CDH2: variants seen among roughly 807,000 people sequenced by gnomAD.
CDH2 encodes cadherin-2.
Under a neutral mutation model 92.0 loss-of-function variants are expected in CDH2, and 17 were observed. The observed-to-expected ratio is 0.18, with a 90% CI of 0.13 to 0.28. The LOEUF (loss-of-function observed/expected upper bound fraction) is 0.28. Among genes scored for constraint, CDH2 ranks in the 10% least tolerant of loss-of-function variants. CDH2 has a pLI of 1.00. For missense variants in CDH2, 862 were observed against 1,133.1 expected (o/e 0.76, Z 3.44); for synonymous variants, 419 against 415.9 (o/e 1.01, Z -0.09).
intron 1 of CDH2, among the ~76,000 whole-genome samples, chr18:28,155,525 A>T (rs998780649): frequency 6.6e-6 from 1 of 152,196 alleles, no homozygotes; most frequent in Non-Finnish European, 1.5e-5. Flanking sequence ...ACAAACAAGG[A>T]CAAAAGATGC....
intron 14 of CDH2, among the ~76,000 whole-genome samples, chr18:27,969,196 G>A (rs529761555): frequency 1.4e-4 from 22 of 152,240 alleles, no homozygotes; most frequent in Admixed American, 5.2e-4. Context: ...GCTTTTTCTG[G>A]ATTGAACCAT....
intron 2 of CDH2, among the ~76,000 whole-genome samples, chr18:28,135,876 A>C (rs983700414): frequency 6.6e-6 from 1 of 152,228 alleles, no homozygotes; most frequent in African/African-American, 2.4e-5. Flanking sequence ...TTTAAATTTA[A>C]ATGATTGCCA....
chr18:28,047,006 T>A (rs188973527), intron 2 of CDH2, among the ~76,000 whole-genome samples: 1 of 152,294 alleles, frequency 6.6e-6, no homozygotes, highest in African/African-American at 2.4e-5. Flanking sequence ...ATTTCAAGAA[T>A]TATACATTAC....
In CDH2 at chr18:27,952,142, C is replaced by T. The variant is rs761462195; in HGVS notation, c.*11G>A. The stretch of plus-strand genomic sequence containing the variant: ...TTTGTACTTGTCCAAAAACCAAGTT[C>T]ACCCTGAAGTTCAGTCATCACCTCC... On this transcript the variant is annotated 3_prime_UTR_variant, in exon 16 of 16. Transcript: ENST00000269141. 1.2e-6 allele frequency: 2 copies of T among 1,610,636 alleles called. No homozygotes were observed. The highest frequency in any genetic ancestry group is 1.7e-6 in the Non-Finnish European group (2 of 1,177,158).
At chr18:28,051,442 A>G (rs2014188957) in intron 2 of CDH2, among the ~76,000 whole-genome samples, 1 of 152,184 alleles carries the variant, frequency 6.6e-6, no homozygotes, top group Non-Finnish European at 1.5e-5. Context: ...TAGACTTGCA[A>G]CTAAAAATGT....
At position 28,057,703 on chromosome 18, in the gene CDH2, T is replaced by C. The variant is rs530219282; in HGVS notation, c.173-43794A>G. Among the ~76,000 whole-genome samples the C allele has an allele frequency of 7.9e-5, 12 of 152,086 alleles. No homozygotes were observed. In the South Asian group the frequency reaches 1.5e-3, roughly 18 times the overall value. On this transcript the variant is annotated intron_variant, in intron 2 of 15. Coordinates refer to ENST00000269141, the MANE Select transcript of CDH2 (RefSeq NM_001792.5). ...AAAGAAATTTGAATAAACTGTTAGA[T>C]TGATCAAGGTCAAATTACCTATGAT...
intron 5 of CDH2, among the ~76,000 whole-genome samples, chr18:28,006,562 A>G (rs2012925540): frequency 6.6e-6 from 1 of 151,224 alleles, no homozygotes; most frequent in Non-Finnish European, 1.5e-5. Context: ...TACTAAAAAT[A>G]CAAAAAAAAA....
At chr18:28,008,168 A>C (rs548827146) in intron 5 of CDH2, among the ~76,000 whole-genome samples, 1 of 152,336 alleles carries the variant, frequency 6.6e-6, no homozygotes, top group South Asian at 2.1e-4. Context: ...AGAGATCCTT[A>C]AGAATTTTAA....
At chr18:28,078,284 G>A (rs916629945) in intron 2 of CDH2, among the ~76,000 whole-genome samples, 1 of 152,124 alleles carries the variant, frequency 6.6e-6, no homozygotes, top group African/African-American at 2.4e-5. Context: ...TCCTGGAACT[G>A]TGCAAACACT....
intron 2 of CDH2, among the ~76,000 whole-genome samples, chr18:28,122,159 T>C (rs1262295506): frequency 6.6e-6 from 1 of 152,138 alleles, no homozygotes; most frequent in Non-Finnish European, 1.5e-5. Context: ...ATTGGCTTCA[T>C]CTAATTTATA....
chr18:27,971,994 C>G (rs1220157), intron 14 of CDH2, among the ~76,000 whole-genome samples: 1 of 151,986 alleles, frequency 6.6e-6, no homozygotes, highest in African/African-American at 2.4e-5. Flanking sequence ...AGGTCTGGTT[C>G]CCGAGACTGG....
chr18:27,980,552 A>C (rs1389747733), intron 14 of CDH2, among the ~76,000 whole-genome samples: 1 of 152,162 alleles, frequency 6.6e-6, no homozygotes, highest in African/African-American at 2.4e-5. Context: ...TAAAAACCCC[A>C]TTATATAATT....
At chr18:28,142,840 G>C (rs2015976417) in intron 2 of CDH2, among the ~76,000 whole-genome samples, 1 of 151,838 alleles carries the variant, frequency 6.6e-6, no homozygotes, top group Non-Finnish European at 1.5e-5. Flanking sequence ...AAAAACAAAA[G>C]CCATGCACTC....
At chr18:27,945,063 T>C (rs1031543568) in intron 6 of CDH2, among the ~76,000 whole-genome samples, 1 of 152,212 alleles carries the variant, frequency 6.6e-6, no homozygotes, top group African/African-American at 2.4e-5. Context: ...AATATACAAA[T>C]AATCTCTCTC....
chr18:27,989,254 C>T (rs1479889403), intron 10 of CDH2, among the ~76,000 whole-genome samples: 1 of 152,130 alleles, frequency 6.6e-6, no homozygotes, highest in African/African-American at 2.4e-5. Context: ...GATTTATCAG[C>T]TTAAATTCCT....
chr18:27,997,392 G>A (rs2012616730), intron 7 of CDH2, among the ~76,000 whole-genome samples: 1 of 152,216 alleles, frequency 6.6e-6, no homozygotes, highest in Non-Finnish European at 1.5e-5. Context: ...TGGAGGCAGA[G>A]AGTAAAGGAT....
At chr18:28,030,370 A>C (rs2013663159) in intron 2 of CDH2, among the ~76,000 whole-genome samples, 1 of 152,106 alleles carries the variant, frequency 6.6e-6, no homozygotes, top group African/African-American at 2.4e-5. Flanking sequence ...ATATAAAACC[A>C]AGGACATATA....
At chr18:28,009,109 C>G (rs2013024822) in intron 5 of CDH2, among the ~76,000 whole-genome samples, 1 of 152,076 alleles carries the variant, frequency 6.6e-6, no homozygotes, top group African/African-American at 2.4e-5. Flanking sequence ...AGGCCTTTAT[C>G]AACATCTCTG....
chr18:28,122,032 A>G (rs1231841319), intron 2 of CDH2, among the ~76,000 whole-genome samples: 1 of 152,022 alleles, frequency 6.6e-6, no homozygotes, highest in East Asian at 1.9e-4. Context: ...GTGCCTCTGG[A>G]TTTCATTTGG....
Sources: allele counts gnomAD v4.1 joint callset (sites outside exome capture counted in the v4.1 genomes callset), GRCh38; gene constraint gnomAD v4.1.1; transcripts MANE v1.5; gene names NCBI Gene and HGNC (gene_info 2026-07-23, HGNC 2026-07-21).